Variants in UTP4 observed in about 807,000 individuals in gnomAD.
UTP4 encodes U3 small nucleolar RNA-associated protein 4 homolog.
UTP4 carries 45 observed loss-of-function variants against 82.4 expected under a neutral mutation model. The ratio of observed to expected loss-of-function variants is 0.55; its 90% CI spans 0.43 to 0.70. UTP4 has a LOEUF of 0.70. Ranked by LOEUF, UTP4 falls within the 30% of genes least tolerant of loss-of-function variation. The probability of loss-of-function intolerance (pLI) is 0.00; values close to 1 mark genes in which losing one functional copy is unlikely to be tolerated. For synonymous variants in UTP4, 348 were observed against 300.3 expected (o/e 1.16, Z -1.64); for missense variants, 819 against 858.3 (o/e 0.95, Z 0.57).
At chr16:69,137,687 T>C (rs1298248506) in intron 3 of UTP4, 114 bp from the exon 4 acceptor site, 1 of 716,570 alleles carries the variant, frequency 1.4e-6, no homozygotes, top group Admixed American at 2.2e-5. Context: ...AACTGATAGC[T>C]TTAAGGAGGA....
chr16:69,132,777 C>T, intron 1 of UTP4, 88 bp downstream of exon 1: 1 of 234,108 alleles, frequency 4.3e-6, no homozygotes, highest in Non-Finnish European at 8.7e-6. Context: ...TCCGGCTGAG[C>T]TCCTTGTCCC....
intron 6 of UTP4, among the ~76,000 whole-genome samples, chr16:69,147,841 G>A (rs1567605297): frequency 1.3e-5 from 2 of 152,136 alleles, no homozygotes; most frequent in Admixed American, 6.5e-5. Context: ...GTGGTGTCAT[G>A]TTAGCACTCA....
At chr16:69,161,440 A>G (rs1157001981) in intron 13 of UTP4, among the ~76,000 whole-genome samples, 1 of 152,214 alleles carries the variant, frequency 6.6e-6, no homozygotes, top group African/African-American at 2.4e-5. Context: ...CTTGTCTTTG[A>G]GCCTTGCCTG....
At chr16:69,154,704 T>TTTTATTTA (rs34852514) in intron 10 of UTP4, among the ~76,000 whole-genome samples, 8,508 of 147,078 alleles carry the variant, frequency 0.058, 263 homozygotes, top group South Asian at 0.064. Flanking sequence ...AATAATGTGC[T>TTTTATTTA]TTTATTTATT....
chr16:69,147,001 C>CAAAAAAAAAAAAAAA (rs71148965), intron 6 of UTP4, among the ~76,000 whole-genome samples: 4 of 85,788 alleles, frequency 4.7e-5, no homozygotes, highest in Non-Finnish European at 7.0e-5. Context: ...GACTCTGCCT[C>CAAAAAAAAAAAAAAA]AAAAAAAAAA....
Position 69,143,223 on chromosome 16 carries a change from T to C in UTP4, c.572T>C (p.Val191Ala), listed in dbSNP as rs772540314. The change falls in exon 6 of 17, where the codon GTG becomes GCG. Residue 191 changes from valine (V) to alanine (A), a missense_variant. Val to Ala is a moderately conservative substitution (Grantham distance 64). Coordinates refer to ENST00000314423, the MANE Select transcript of UTP4 (RefSeq NM_032830.3). ...KMIVDRQYMG[V>A]SKRKCIVWGV... ...ATTGTGGACAGGCAGTATATGGGCG[T>C]GTCTAAGCGGAAGTGCATCGTGTGG... The C allele has an allele frequency of 6.8e-6, 11 of 1,614,224 alleles. No individual in the cohort carries two copies. The South Asian group carries it at 1.2e-4, about 18-fold the overall frequency.
At chr16:69,137,226 G>T (rs963038472) in intron 3 of UTP4, among the ~76,000 whole-genome samples, 1 of 152,158 alleles carries the variant, frequency 6.6e-6, no homozygotes, top group Non-Finnish European at 1.5e-5. Flanking sequence ...TAATCCTGCT[G>T]TAAATTCACA....
intron 15 of UTP4, chr16:69,166,487 A>T (rs770045613): frequency 1.3e-5 from 2 of 152,982 alleles, no homozygotes; most frequent in African/African-American, 4.8e-5. Flanking sequence ...CTTTAAGTTC[A>T]TCGCTTCCTT....
chr16:69,168,919 G>T lies in UTP4; in HGVS notation c.2043G>T (p.Lys681Asn), dbSNP rs1963772109. Residue 681 changes from lysine (K) to asparagine (N), a missense_variant, in exon 17 of 17, where the codon AAG becomes AAT. Transcript: ENST00000314423. The part of the protein sequence containing the change: ...IIAQLPPPIK[K>N]KKFGT ...CTCAGCTCCCACCACCCATTAAAAAGAAGAAATTTGGAACCTAAAACAGGG... is the reference window on the plus strand; with the variant it reads ...CTCAGCTCCCACCACCCATTAAAAATAAGAAATTTGGAACCTAAAACAGGG... 1 of 1,612,344 alleles carries T rather than the reference G, an allele frequency of 6.2e-7. No homozygotes were observed. The highest frequency in any genetic ancestry group is 1.1e-5 in the South Asian group (1 of 91,058).
intron 11 of UTP4, among the ~76,000 whole-genome samples, 164 bp from the exon 12 acceptor site, chr16:69,156,920 G>A (rs1266126977): frequency 1.3e-5 from 2 of 152,240 alleles, no homozygotes; most frequent in Admixed American, 6.5e-5. Context: ...AGAGATGAAA[G>A]GGGGATGTAT....
intron 2 of UTP4, among the ~76,000 whole-genome samples, chr16:69,135,911 C>A (rs752081623): frequency 9.2e-5 from 14 of 152,134 alleles, no homozygotes; most frequent in Non-Finnish European, 1.9e-4. Context: ...TGCCTGTAAT[C>A]CCAGCTACTC....
intron 14 of UTP4, among the ~76,000 whole-genome samples, chr16:69,164,964 G>A (rs1779694157): frequency 6.6e-6 from 1 of 152,164 alleles, no homozygotes; most frequent in Admixed American, 6.6e-5. Flanking sequence ...GGGAGGCTGA[G>A]GCGGGCAGAT....
At position 69,155,989 on chromosome 16, in the gene UTP4, A is replaced by G. The variant is rs1963400602; in HGVS notation, c.1283A>G (p.Lys428Arg). The change falls in exon 11 of 17, where the codon AAA becomes AGA. Residue 428 changes from lysine to arginine, a missense_variant. Physicochemically the swap from Lys to Arg is conservative, Grantham distance 26. Transcript: ENST00000314423. ...LNYEHDNISL[K>R]RVSKMPAFLR... ...TATGAACATGACAACATAAGCCTCA[A>G]AAGGGTAAGTGATAGTCCAATATCT... is the stretch of plus-strand genomic sequence containing the variant. 7 of 1,614,064 alleles carry G rather than the reference A, an allele frequency of 4.3e-6. No homozygotes were observed. Among genetic ancestry groups the G allele is most frequent in the Non-Finnish European group, 5.1e-6 (6 of 1,180,014 alleles).
At chr16:69,146,113 A>G (rs960242081) in intron 6 of UTP4, among the ~76,000 whole-genome samples, 15 of 152,152 alleles carry the variant, frequency 9.9e-5, no homozygotes, top group Admixed American at 2.6e-4. Context: ...AAAAAAAGAA[A>G]AAAAAAGATA....
At chr16:69,142,920 A>G (rs1963001006) in intron 5 of UTP4, among the ~76,000 whole-genome samples, 1 of 151,936 alleles carries the variant, frequency 6.6e-6, no homozygotes, top group Non-Finnish European at 1.5e-5. Flanking sequence ...CCTTCTCTTC[A>G]GGTAACCATT....
Position 69,155,954 on chromosome 16 carries a change from T to C in UTP4, c.1248T>C (p.Tyr416=). The change falls in exon 11 of 17, where the codon TAT becomes TAC. Residue 416 remains tyrosine (Y), a synonymous_variant. Transcript: ENST00000314423. Reference sequence around the variant, plus strand: ...CTACAGTTTCTCGGTTTTTTCTCTATCGGCTGAATTATGAACATGACAACA... The same window carrying C: ...CTACAGTTTCTCGGTTTTTTCTCTACCGGCTGAATTATGAACATGACAACA... ...AYSTVSRFFL[Y]RLNYEHDNIS... is the part of the protein sequence containing the mutation. 6.2e-7 allele frequency: 1 copy of C among 1,614,156 alleles called. No homozygotes were observed. Among genetic ancestry groups the C allele is most frequent in the South Asian group, 1.1e-5 (1 of 91,082 alleles).
rs775678795 is a variant in UTP4, at chr16:69,154,394, C to A, written c.1101C>A (p.Gly367=). Residue 367 remains glycine (G), a splice_region_variant and synonymous_variant, in exon 10 of 17, where the codon GGC becomes GGA. Coordinates refer to ENST00000314423, the MANE Select transcript of UTP4 (RefSeq NM_032830.3). Reference sequence around the variant, plus strand: ...TCTCAGGGAAGTTTCTTGTTTCAGGCAAGAATGGGGATACTCTTCCACTCT... The same window carrying A: ...TCTCAGGGAAGTTTCTTGTTTCAGGAAAGAATGGGGATACTCTTCCACTCT... The part of the protein sequence containing the change: ...LWRLGSTVAT[G]KNGDTLPLSK... The A allele has an allele frequency of 2.5e-6, 4 of 1,608,048 alleles. No homozygotes were observed. The highest frequency in any genetic ancestry group is 3.4e-6 in the Non-Finnish European group (4 of 1,175,016).
chr16:69,150,836 C>A lies in UTP4; in HGVS notation c.934C>A (p.Arg312Ser). The change falls in exon 8 of 17, where the codon CGT (arginine) becomes AGT (serine). Residue 312 changes from arginine (R) to serine (S), a missense_variant. By Grantham distance (110) the Arg-to-Ser change is moderately radical (BLOSUM62 -1). Coordinates refer to ENST00000314423, the MANE Select transcript of UTP4 (RefSeq NM_032830.3). ...AGGCACTGACACCCACTTAGTCTTT[C>A]GTCCTCTCATGGAGAAGGTGGAAGT... ...SGGTDTHLVF[R>S]PLMEKVEVKN... 1 of 1,614,120 alleles carries A rather than the reference C, an allele frequency of 6.2e-7. No homozygotes were observed. Among genetic ancestry groups the A allele is most frequent in the Non-Finnish European group, 8.5e-7 (1 of 1,179,994 alleles).
In UTP4 at chr16:69,155,994, G is replaced by T. The variant is rs1468199605; in HGVS notation, c.1287+1G>T. On this transcript the variant is annotated splice_donor_variant, in intron 11 of 16. Coordinates refer to ENST00000314423, the MANE Select transcript of UTP4 (RefSeq NM_032830.3). LOFTEE classifies it high-confidence loss of function. Reference sequence around the variant, plus strand: ...ACATGACAACATAAGCCTCAAAAGGGTAAGTGATAGTCCAATATCTGGTCA... The same window carrying T: ...ACATGACAACATAAGCCTCAAAAGGTTAAGTGATAGTCCAATATCTGGTCA... The T allele has an allele frequency of 6.2e-7, 1 of 1,614,078 alleles. No homozygotes were observed. The highest frequency in any genetic ancestry group is 1.7e-5 in the Admixed American group (1 of 60,010).
Sources: allele counts gnomAD v4.1 joint callset (sites outside exome capture counted in the v4.1 genomes callset), GRCh38; gene constraint gnomAD v4.1.1; transcripts MANE v1.5; gene names NCBI Gene and HGNC (gene_info 2026-07-23, HGNC 2026-07-21).